Variants in TAFA1 observed in about 807,000 individuals in gnomAD.
TAFA1 encodes the protein TAFA chemokine like family member 1.
TAFA1 carries 4 observed loss-of-function variants against 18.5 expected under a neutral mutation model. That is an observed-to-expected ratio of 0.22 (90% CI 0.11 to 0.49). The LOEUF is 0.49. Among genes scored for constraint, TAFA1 ranks in the 20% least tolerant of loss-of-function variants. The pLI is 0.98. For synonymous variants in TAFA1, 56 were observed against 55.2 expected (o/e 1.01, Z -0.06); for missense variants, 147 against 169.0 (o/e 0.87, Z 0.72).
At chr3:68,223,708 A>T (rs1250370198) in intron 2 of TAFA1, among the ~76,000 whole-genome samples, 1 of 152,166 alleles carries the variant, frequency 6.6e-6, no homozygotes, top group Non-Finnish European at 1.5e-5. Context: ...AAGGAAATTT[A>T]GACAAGTGGC....
chr3:68,283,471 C>G (rs1006939802), intron 2 of TAFA1, among the ~76,000 whole-genome samples: 2 of 152,034 alleles, frequency 1.3e-5, no homozygotes, highest in African/African-American at 4.8e-5. Context: ...CTAATACATT[C>G]CTCATCATTC....
intron 3 of TAFA1, among the ~76,000 whole-genome samples, chr3:68,513,974 G>C (rs1486536143): frequency 1.3e-5 from 2 of 152,154 alleles, no homozygotes; most frequent in African/African-American, 4.8e-5. Flanking sequence ...GTGGAAGCTG[G>C]AAAGTTAAAG....
At chr3:68,362,980 C>CTTTTTTTTTTTTTTTTTT (rs10681792) in intron 2 of TAFA1, among the ~76,000 whole-genome samples, 1 of 75,030 alleles carries the variant, frequency 1.3e-5, no homozygotes, top group Non-Finnish European at 2.3e-5. Context: ...GTCTTGCAGG[C>CTTTTTTTTTTTTTTTTTT]TTTTTTTTTT....
At chr3:68,012,533 T>C (rs1442524880) in intron 2 of TAFA1, among the ~76,000 whole-genome samples, 1 of 152,126 alleles carries the variant, frequency 6.6e-6, no homozygotes, top group Non-Finnish European at 1.5e-5. Flanking sequence ...AAGAATCATA[T>C]TTGCACATAC....
intron 2 of TAFA1, among the ~76,000 whole-genome samples, chr3:68,360,190 T>C (rs775513253): frequency 1.3e-5 from 2 of 151,982 alleles, no homozygotes; most frequent in Non-Finnish European, 2.9e-5. Context: ...TGGCAGAGAA[T>C]ATTTACTCCA....
chr3:68,021,966 C>T (rs1704700905), intron 2 of TAFA1, among the ~76,000 whole-genome samples: 1 of 152,112 alleles, frequency 6.6e-6, no homozygotes, highest in South Asian at 2.1e-4. Context: ...TTTTTACTGT[C>T]CTCATTAACA....
rs2073376489 is a variant in TAFA1, at chr3:68,541,613, CTT to C, written c.384+2736_384+2737del. On this transcript the variant is annotated intron_variant, in intron 4 of 4. Transcript: ENST00000478136. ...AAAAAAAAAACAAAGAAATTTACCTCTTTTGTTCTTTTTTGTGTGAGAATAAT... is the reference window on the plus strand; with the variant it reads ...AAAAAAAAAACAAAGAAATTTACCTCTTGTTCTTTTTTGTGTGAGAATAAT... Among the ~76,000 whole-genome samples, 3 of 151,880 alleles carry C rather than the reference CTT, an allele frequency of 2.0e-5. No homozygotes were observed. The South Asian group carries it at 6.2e-4, about 32-fold the overall frequency.
intron 2 of TAFA1, among the ~76,000 whole-genome samples, chr3:68,152,102 A>G (rs2106923137): frequency 6.6e-6 from 1 of 152,268 alleles, no homozygotes; most frequent in South Asian, 2.1e-4. Context: ...AATTTGCCCA[A>G]AGAATAATTT....
At chr3:68,227,576 G>C (rs1229610599) in intron 2 of TAFA1, among the ~76,000 whole-genome samples, 1 of 152,096 alleles carries the variant, frequency 6.6e-6, no homozygotes, top group Non-Finnish European at 1.5e-5. Context: ...CAGGCATATT[G>C]GGGAAAAACT....
At chr3:68,419,277 A>T (rs1167574836) in intron 3 of TAFA1, among the ~76,000 whole-genome samples, 2 of 152,188 alleles carry the variant, frequency 1.3e-5, no homozygotes, top group Admixed American at 6.6e-5. Flanking sequence ...GCAGTCAGGG[A>T]TCATTGTGGG....
chr3:68,125,471 T>C (rs755038111), intron 2 of TAFA1, among the ~76,000 whole-genome samples: 20 of 152,178 alleles, frequency 1.3e-4, no homozygotes, highest in Non-Finnish European at 7.3e-5. Context: ...ATCTGTTTAT[T>C]TGGTTTGTGG....
intron 3 of TAFA1, among the ~76,000 whole-genome samples, chr3:68,476,465 C>T (rs1347352813): frequency 3.9e-5 from 6 of 152,118 alleles, no homozygotes; most frequent in Non-Finnish European, 7.4e-5. Context: ...GTTTTACAAA[C>T]GTGTGAAGAA....
intron 2 of TAFA1, among the ~76,000 whole-genome samples, chr3:68,237,870 T>C (rs1403806824): frequency 3.3e-5 from 5 of 152,082 alleles, no homozygotes; most frequent in African/African-American, 7.2e-5. Context: ...CTGACAAGAA[T>C]TAAAGAGAAC....
intron 3 of TAFA1, among the ~76,000 whole-genome samples, chr3:68,479,951 C>G (rs1338895292): frequency 6.6e-6 from 1 of 152,072 alleles, no homozygotes; most frequent in East Asian, 1.9e-4. Context: ...GTGACATTAG[C>G]TAACATGGTT....
intron 2 of TAFA1, among the ~76,000 whole-genome samples, chr3:68,264,547 C>G (rs971706): frequency 0.077 from 11,717 of 152,020 alleles, 580 homozygotes; most frequent in African/African-American, 0.13. Flanking sequence ...AGGTAGTGAC[C>G]GCAAGAACAC....
At chr3:68,319,401 T>C (rs533519123) in intron 2 of TAFA1, among the ~76,000 whole-genome samples, 1 of 152,104 alleles carries the variant, frequency 6.6e-6, no homozygotes, top group African/African-American at 2.4e-5. Flanking sequence ...TCATGACTGA[T>C]GCTTGGTTGG....
intron 2 of TAFA1, among the ~76,000 whole-genome samples, chr3:68,353,512 G>A (rs2069308227): frequency 6.6e-6 from 1 of 152,000 alleles, no homozygotes; most frequent in East Asian, 1.9e-4. Context: ...TGGACCGGGT[G>A]TTTCTGAGCT....
At chr3:68,540,508 T>C (rs1452754863) in intron 4 of TAFA1, among the ~76,000 whole-genome samples, 2 of 152,226 alleles carry the variant, frequency 1.3e-5, no homozygotes, top group Non-Finnish European at 2.9e-5. Flanking sequence ...GAAGTTGCCC[T>C]CACAAATTGG....
chr3:68,303,015 G>T (rs1332631927), intron 2 of TAFA1, among the ~76,000 whole-genome samples: 1 of 152,062 alleles, frequency 6.6e-6, no homozygotes, highest in Non-Finnish European at 1.5e-5. Flanking sequence ...TCATAGGATT[G>T]TTGTGATGAC....
Sources: gnomAD v4.1 joint callset for allele counts (sites outside exome capture counted in the v4.1 genomes callset) on GRCh38, gnomAD v4.1.1 for gene constraint, MANE v1.5 for transcripts, NCBI Gene and HGNC (gene_info 2026-07-23, HGNC 2026-07-21) for gene names.